The following PLXDC2 variants were observed in gnomAD, a reference collection of about 807,000 sequenced individuals.
PLXDC2 encodes plexin domain-containing protein 2.
In PLXDC2, 40 loss-of-function variants were observed where a neutral mutation model predicts 68.9. The observed-to-expected ratio is 0.58, with a 90% CI of 0.45 to 0.76. PLXDC2 has a LOEUF of 0.76. Among genes scored for constraint, PLXDC2 ranks in the 30% least tolerant of loss-of-function variants. PLXDC2 has a pLI of 0.00. For missense variants in PLXDC2, 644 were observed against 661.9 expected, an observed-to-expected ratio of 0.97 and a Z score of 0.30; for synonymous variants, 243 against 234.2, an observed-to-expected ratio of 1.04 and a Z score of -0.34.
At chr10:19,952,167 A>G (rs1340412184) in intron 1 of PLXDC2, among the ~76,000 whole-genome samples, 1 of 152,194 alleles carries the variant, frequency 6.6e-6, no homozygotes, top group African/African-American at 2.4e-5. Context: ...TTATTTTAAA[A>G]AATACATTTT....
intron 1 of PLXDC2, among the ~76,000 whole-genome samples, chr10:19,869,453 AAG>A (rs1297299641): frequency 4.0e-5 from 4 of 99,818 alleles, no homozygotes; most frequent in African/African-American, 3.9e-5. Flanking sequence ...GAAAGAGAGA[AAG>A]AGAGAGAGAG....
intron 1 of PLXDC2, among the ~76,000 whole-genome samples, chr10:19,914,099 G>A (rs926608769): frequency 6.7e-6 from 1 of 149,086 alleles, no homozygotes; most frequent in African/African-American, 2.5e-5. Context: ...AGAAGGGAGG[G>A]AAGAAGGGAG....
intron 4 of PLXDC2, among the ~76,000 whole-genome samples, chr10:20,086,730 C>T (rs1407217624): frequency 6.6e-6 from 1 of 152,114 alleles, no homozygotes; most frequent in African/African-American, 2.4e-5. Flanking sequence ...CAGCATCTGT[C>T]ACAATCACCT....
At chr10:20,237,238 T>C (rs923330446) in intron 12 of PLXDC2, among the ~76,000 whole-genome samples, 1 of 152,144 alleles carries the variant, frequency 6.6e-6, no homozygotes, top group Non-Finnish European at 1.5e-5. Flanking sequence ...TTAACATGAA[T>C]TGTGAATGTA....
chr10:19,993,949 C>T (rs1033699762), intron 1 of PLXDC2, among the ~76,000 whole-genome samples: 4 of 152,202 alleles, frequency 2.6e-5, no homozygotes, highest in Non-Finnish European at 5.9e-5. Context: ...TCTCTGCTGC[C>T]TCAGAGATTG....
chr10:20,122,704 G>A (rs190354182), intron 4 of PLXDC2, among the ~76,000 whole-genome samples: 122 of 152,316 alleles, frequency 8.0e-4, no homozygotes, highest in African/African-American at 2.8e-3. Flanking sequence ...TGCTGGAGAT[G>A]TGGCTGGGGT....
At chr10:19,828,501 A>G (rs1222737955) in intron 1 of PLXDC2, among the ~76,000 whole-genome samples, 1 of 152,192 alleles carries the variant, frequency 6.6e-6, no homozygotes. Context: ...TGATCTGAGT[A>G]TTTTTTAATC....
intron 1 of PLXDC2, among the ~76,000 whole-genome samples, chr10:19,936,728 A>G (rs1186200866): frequency 6.6e-6 from 1 of 152,184 alleles, no homozygotes; most frequent in Admixed American, 6.5e-5. Context: ...GAAATTGTCA[A>G]ATGTCACAAA....
At chr10:20,064,411 G>A (rs1836163886) in intron 3 of PLXDC2, among the ~76,000 whole-genome samples, 1 of 151,726 alleles carries the variant, frequency 6.6e-6, no homozygotes, top group African/African-American at 2.4e-5. Flanking sequence ...TAGTAGAGAT[G>A]GGGTTTCACC....
chr10:20,113,636 T>A (rs1011373628), intron 4 of PLXDC2, among the ~76,000 whole-genome samples: 6 of 152,134 alleles, frequency 3.9e-5, no homozygotes, highest in African/African-American at 1.4e-4. Flanking sequence ...AAAAAAAAAT[T>A]TTTTTGAACC....
chr10:20,013,567 T>C (rs1050501631), intron 2 of PLXDC2, among the ~76,000 whole-genome samples: 1 of 152,216 alleles, frequency 6.6e-6, no homozygotes, highest in African/African-American at 2.4e-5. Context: ...CTTTGCACAG[T>C]GTTTATTATT....
intron 4 of PLXDC2, among the ~76,000 whole-genome samples, chr10:20,085,415 G>T (rs1481175383): frequency 6.6e-6 from 1 of 152,162 alleles, no homozygotes; most frequent in Non-Finnish European, 1.5e-5. Flanking sequence ...TGCGGGAGGT[G>T]CTGAGGGTCA....
intron 1 of PLXDC2, among the ~76,000 whole-genome samples, chr10:19,970,422 G>A (rs1450895573): frequency 1.3e-5 from 2 of 152,156 alleles, no homozygotes; most frequent in Non-Finnish European, 2.9e-5. Flanking sequence ...ATGGAATCAA[G>A]CAATAGACAG....
chr10:20,123,328 A>G (rs1006708517), intron 4 of PLXDC2, among the ~76,000 whole-genome samples: 12 of 152,088 alleles, frequency 7.9e-5, no homozygotes, highest in Admixed American at 7.9e-4. Context: ...AAGAAGGAAG[A>G]TTTGGGATGA....
intron 4 of PLXDC2, among the ~76,000 whole-genome samples, chr10:20,108,704 A>G (rs574344280): frequency 1.3e-5 from 2 of 152,268 alleles, no homozygotes; most frequent in Admixed American, 1.3e-4. Flanking sequence ...AATTGAGGTT[A>G]TGTCACTTGA....
At chr10:20,253,390 TA>T (rs1835704434) in intron 13 of PLXDC2, among the ~76,000 whole-genome samples, 1 of 150,174 alleles carries the variant, frequency 6.7e-6, no homozygotes, top group Non-Finnish European at 1.5e-5. Flanking sequence ...ATAATAATAA[TA>T]ATAATAATAA....
chr10:19,837,193 A>C lies in PLXDC2; in HGVS notation c.112+20002A>C, dbSNP rs145078543. On this transcript the variant is annotated intron_variant, in intron 1 of 13. Coordinates refer to ENST00000377252, the MANE Select transcript of PLXDC2 (RefSeq NM_032812.9). ...CACCTGTAACATGTTACCCAGCAAG[A>C]CATTCCTCACCAGGTTGAAGTAAAA... 4.0e-4 allele frequency among the ~76,000 whole-genome samples: 61 copies of C among 152,190 alleles called. 2 individuals are homozygous for C. The East Asian group carries it at 0.011, about 28-fold the overall frequency.
intron 1 of PLXDC2, among the ~76,000 whole-genome samples, chr10:19,906,128 A>G (rs1833152923): frequency 6.6e-6 from 1 of 152,140 alleles, no homozygotes; most frequent in African/African-American, 2.4e-5. Flanking sequence ...AATAAAGAAG[A>G]GAGAGGGACT....
At chr10:19,821,718 T>C (rs560398057) in intron 1 of PLXDC2, among the ~76,000 whole-genome samples, 1 of 152,350 alleles carries the variant, frequency 6.6e-6, no homozygotes, top group South Asian at 2.1e-4. Context: ...ATCCCTAGGA[T>C]AGAAATAAAT....
Sources: gnomAD v4.1 joint callset for allele counts (sites outside exome capture counted in the v4.1 genomes callset) on GRCh38, gnomAD v4.1.1 for gene constraint, MANE v1.5 for transcripts, NCBI Gene and HGNC (gene_info 2026-07-23, HGNC 2026-07-21) for gene names.